Variants in TMEM131L observed in about 807,000 individuals in gnomAD.
The protein encoded by TMEM131L is transmembrane 131 like.
TMEM131L carries 54 observed loss-of-function variants against 192.2 expected under a neutral mutation model. The ratio of observed to expected loss-of-function variants is 0.28; its 90% CI spans 0.23 to 0.35. TMEM131L has a LOEUF of 0.35. Among genes scored for constraint, TMEM131L ranks in the 10% least tolerant of loss-of-function variants. The pLI is 1.00. For missense variants in TMEM131L, 1,888 were observed against 1,972.9 expected, an observed-to-expected ratio of 0.96 and a Z score of 0.82; for synonymous variants, 701 against 704.9, an observed-to-expected ratio of 0.99 and a Z score of 0.09.
chr4:153,560,158 A>C (rs1419036577), intron 7 of TMEM131L, among the ~76,000 whole-genome samples: 1 of 152,190 alleles, frequency 6.6e-6, no homozygotes, highest in Non-Finnish European at 1.5e-5. Flanking sequence ...TATATCCATT[A>C]AATAATCACA....
At position 153,623,052 on chromosome 4, in the gene TMEM131L, C is replaced by T; in HGVS notation, c.4014C>T (p.Pro1338=). ...STSSSDGDKK[P]MVDAQHFLPA... ...GCAGCTCCGACGGGGATAAGAAGCC[C>T]ATGGTGGACGCCCAGCACTTCCTGC... is the stretch of plus-strand genomic sequence containing the variant. The change falls in exon 29 of 35, where the codon CCC becomes CCT. Residue 1338 remains proline, a synonymous_variant. Coordinates refer to ENST00000409959, the MANE Select transcript of TMEM131L (RefSeq NM_001131007.2). 3 of 1,611,920 alleles carry T rather than the reference C, an allele frequency of 1.9e-6. No individual in the cohort carries two copies. Among genetic ancestry groups the T allele is most frequent in the South Asian group, 1.1e-5 (1 of 90,798 alleles).
chr4:153,556,153 T>C (rs1728425594), intron 5 of TMEM131L, among the ~76,000 whole-genome samples: 1 of 152,032 alleles, frequency 6.6e-6, no homozygotes, highest in Admixed American at 6.6e-5. Flanking sequence ...GTTTGAAGGC[T>C]CTCAGCTGTG....
chr4:153,564,314 A>AAAAAAG (rs1561196159), intron 7 of TMEM131L, among the ~76,000 whole-genome samples: 1 of 149,120 alleles, frequency 6.7e-6, no homozygotes, highest in African/African-American at 2.5e-5. Context: ...AAAAAAAAAA[A>AAAAAAG]GGCCCAAGGG....
Position 153,511,244 on chromosome 4 carries a change from A to G in TMEM131L, c.239+37356A>G, listed in dbSNP as rs182202228. 4.9e-4 allele frequency among the ~76,000 whole-genome samples: 74 copies of G among 152,350 alleles called. 1 individual carries two copies. The highest frequency in any genetic ancestry group is 1.4e-3 in the African/African-American group (60 of 41,578). Reference sequence around the variant, plus strand: ...ATGGAATCAACCTAAATGCTCATCAATGGTAGACTGCCTAAAGAAAATGTG... The same window carrying G: ...ATGGAATCAACCTAAATGCTCATCAGTGGTAGACTGCCTAAAGAAAATGTG... On this transcript the variant is annotated intron_variant, in intron 3 of 34. Coordinates refer to ENST00000409959, the MANE Select transcript of TMEM131L (RefSeq NM_001131007.2).
At chr4:153,626,250 T>G in intron 30 of TMEM131L, 25 bp downstream of exon 30, 6 of 1,451,810 alleles carry the variant, frequency 4.1e-6, no homozygotes, top group Non-Finnish European at 5.8e-6. Context: ...TTCCAGCTTT[T>G]ACAGTATGTT....
intron 3 of TMEM131L, among the ~76,000 whole-genome samples, chr4:153,543,311 G>GT (rs1304759416): frequency 6.6e-6 from 1 of 151,100 alleles, no homozygotes; most frequent in Non-Finnish European, 1.5e-5. Context: ...TGTCTTTTAT[G>GT]TTTTTTCCTA....
At chr4:153,583,363 CTTTAA>C (rs111303446) in intron 10 of TMEM131L, 115 bp downstream of exon 10, 26,781 of 788,464 alleles carry the variant, frequency 0.034, 3,210 homozygotes, top group African/African-American at 0.32. Flanking sequence ...TTCTTTTTTG[CTTTAA>C]TTTAAGCCCA....
At position 153,598,745 on chromosome 4, in the gene TMEM131L, G is replaced by A. The variant is rs764820967; in HGVS notation, c.2266+13G>A. 21 of 1,566,364 alleles carry A rather than the reference G, an allele frequency of 1.3e-5. No homozygotes were observed. Among genetic ancestry groups the A allele is most frequent in the Admixed American group, 1.8e-5 (1 of 57,028 alleles). ...GACTGCCGTAGACGTGAGTTCATAT[G>A]TGTGGCACTCTGACAGGGGAGGTTG... On this transcript the variant is annotated intron_variant, in intron 21 of 34. Coordinates refer to ENST00000409959, the MANE Select transcript of TMEM131L (RefSeq NM_001131007.2).
At chr4:153,472,348 T>G (rs1731218207) in intron 2 of TMEM131L, among the ~76,000 whole-genome samples, 1 of 152,026 alleles carries the variant, frequency 6.6e-6, no homozygotes, top group African/African-American at 2.4e-5. Context: ...TGGTAAAGTT[T>G]CTGTGTCTGA....
rs767816688 is a variant in TMEM131L, at chr4:153,596,291, C to G, written c.2029C>G (p.Leu677Val). The G allele has an allele frequency of 5.6e-6, 9 of 1,613,852 alleles. No individual in the cohort carries two copies. The East Asian group carries it at 1.8e-4, about 32-fold the overall frequency. ...TTCTGAGGAATCCAGGTTTGGCATC[C>G]TCCACTTACATCTGCAGCCTTTGGA... is the stretch of plus-strand genomic sequence containing the variant. ...THSEESRFGI[L>V]HLHLQPLEMK... The change falls in exon 20 of 35, where the codon CTC becomes GTC. Residue 677 changes from leucine to valine, a missense_variant. By Grantham distance (32) the Leu-to-Val change is conservative. Transcript: ENST00000409959.
chr4:153,634,083 T>C, intron 32 of TMEM131L, 109 bp from the exon 33 acceptor site: 1 of 892,532 alleles, frequency 1.1e-6, no homozygotes, highest in Non-Finnish European at 1.8e-6. Context: ...TTTCCAAAAT[T>C]GGGGAATTCA....
intron 31 of TMEM131L, among the ~76,000 whole-genome samples, chr4:153,631,502 A>C (rs1274552947): frequency 6.6e-6 from 1 of 152,220 alleles, no homozygotes; most frequent in Non-Finnish European, 1.5e-5. Flanking sequence ...GTTGTGCTAC[A>C]GGAGAAGAAC....
Position 153,591,056 on chromosome 4 carries a change from G to A in TMEM131L, c.1674G>A (p.Arg558=), listed in dbSNP as rs1731031387. 1 of 1,558,050 alleles carries A rather than the reference G, an allele frequency of 6.4e-7. No individual in the cohort carries two copies. Among genetic ancestry groups the A allele is most frequent in the Non-Finnish European group, 8.7e-7 (1 of 1,149,984 alleles). ...AGTTTCTTTATCAATTAAACAGGAGGAATGTTTTGGGAACAACTCGATTTG... is the reference window on the plus strand; with the variant it reads ...AGTTTCTTTATCAATTAAACAGGAGAAATGTTTTGGGAACAACTCGATTTG... ...KKYKNGDVCK[R]NVLGTTRFAH... Residue 558 remains arginine (R), a synonymous_variant, in exon 17 of 35, where the codon AGG becomes AGA. Coordinates refer to ENST00000409959, the MANE Select transcript of TMEM131L (RefSeq NM_001131007.2).
At chr4:153,545,355 C>G (rs1167785029) in intron 3 of TMEM131L, among the ~76,000 whole-genome samples, 2 of 148,064 alleles carry the variant, frequency 1.4e-5, no homozygotes, top group African/African-American at 5.1e-5. Flanking sequence ...TGGCGCGATC[C>G]CGACTCACTG....
rs527756722 is a variant in TMEM131L, at chr4:153,560,258, C to T, written c.660+1890C>T. ...ACAGGGACCATCTGATTGAGCTTCC[C>T]GTTGTACTCCCTGCACCTCACCTGG... is the stretch of plus-strand genomic sequence containing the variant. On this transcript the variant is annotated intron_variant, in intron 7 of 34. Transcript: ENST00000409959. Among the ~76,000 whole-genome samples the T allele has an allele frequency of 3.4e-4, 52 of 152,260 alleles. No homozygotes were observed. The South Asian group carries it at 5.0e-3, about 15-fold the overall frequency.
intron 3 of TMEM131L, among the ~76,000 whole-genome samples, chr4:153,477,248 C>G (rs1002989849): frequency 6.6e-6 from 1 of 152,120 alleles, no homozygotes; most frequent in African/African-American, 2.4e-5. Flanking sequence ...GAACTGTGTT[C>G]GGCTGCCTCC....
intron 3 of TMEM131L, among the ~76,000 whole-genome samples, chr4:153,497,790 T>C (rs908436019): frequency 2.0e-5 from 3 of 151,838 alleles, no homozygotes; most frequent in African/African-American, 7.3e-5. Context: ...GACTATACTC[T>C]TTTCTACTCT....
intron 3 of TMEM131L, among the ~76,000 whole-genome samples, chr4:153,542,363 G>A (rs377079519): frequency 6.6e-6 from 1 of 150,976 alleles, no homozygotes; most frequent in African/African-American, 2.5e-5. Flanking sequence ...ACTTGATTTC[G>A]CAGGCTGTGA....
intron 29 of TMEM131L, 63 bp downstream of exon 29, chr4:153,623,146 C>A: frequency 7.1e-7 from 1 of 1,400,780 alleles, no homozygotes. Context: ...CCCACGTACC[C>A]AGTCCACACA....
Sources: allele counts gnomAD v4.1 joint callset (sites outside exome capture counted in the v4.1 genomes callset), GRCh38; gene constraint gnomAD v4.1.1; transcripts MANE v1.5; gene names NCBI Gene and HGNC (gene_info 2026-07-23, HGNC 2026-07-21).